The following NEGR1 variants were observed in gnomAD, a reference collection of about 807,000 sequenced individuals.
NEGR1 encodes the protein neuronal growth regulator 1.
NEGR1 carries 10 observed loss-of-function variants against 40.9 expected under a neutral mutation model. That is an observed-to-expected ratio of 0.24 (90% CI 0.15 to 0.42). NEGR1 has a LOEUF of 0.42. Among genes scored for constraint, NEGR1 ranks in the 10% least tolerant of loss-of-function variants. The probability of loss-of-function intolerance (pLI) is 1.00; values close to 1 mark genes in which losing one functional copy is unlikely to be tolerated. For missense variants in NEGR1, 352 were observed against 438.9 expected, an observed-to-expected ratio of 0.80 and a Z score of 1.77; for synonymous variants, 185 against 166.8, an observed-to-expected ratio of 1.11 and a Z score of -0.84.
chr1:71,670,151 A>G (rs896710424), intron 4 of NEGR1, among the ~76,000 whole-genome samples: 19 of 152,110 alleles, frequency 1.2e-4, no homozygotes, highest in Non-Finnish European at 1.6e-4. Flanking sequence ...GTGATGAATT[A>G]TCTTGGCTTT....
At chr1:71,910,191 T>C (rs1235826085) in intron 2 of NEGR1, among the ~76,000 whole-genome samples, 1 of 152,172 alleles carries the variant, frequency 6.6e-6, no homozygotes, top group African/African-American at 2.4e-5. Context: ...CCAGAACACA[T>C]GCTAGATGTT....
intron 2 of NEGR1, among the ~76,000 whole-genome samples, chr1:71,875,785 T>A (rs1377664329): frequency 6.6e-6 from 1 of 152,168 alleles, no homozygotes; most frequent in Non-Finnish European, 1.5e-5. Flanking sequence ...TGTACTCAAA[T>A]ATCCAAGCTA....
intron 4 of NEGR1, among the ~76,000 whole-genome samples, chr1:71,633,516 A>G (rs1010737587): frequency 6.6e-6 from 1 of 152,122 alleles, no homozygotes; most frequent in African/African-American, 2.4e-5. Context: ...CAAGGGCTGA[A>G]CTATGACAGT....
At chr1:71,559,512 TTC>T (rs1648370999) in intron 6 of NEGR1, among the ~76,000 whole-genome samples, 1 of 151,608 alleles carries the variant, frequency 6.6e-6, no homozygotes, top group Admixed American at 6.6e-5. Flanking sequence ...TAGAATAACG[TTC>T]TCTTTTTGTG....
chr1:72,174,562 A>G lies in NEGR1; in HGVS notation c.176+107757T>C, dbSNP rs573070995. Among the ~76,000 whole-genome samples the G allele has an allele frequency of 2.6e-5, 4 of 152,212 alleles. No homozygotes were observed. The South Asian group carries it at 8.3e-4, about 32-fold the overall frequency. ...TCTCCAGAGTTTTGCTACTTTAGGC[A>G]TTTTTAAATTCTGTTTTACACGTAA... is the stretch of plus-strand genomic sequence containing the variant. On this transcript the variant is annotated intron_variant, in intron 1 of 6. Coordinates refer to ENST00000357731, the MANE Select transcript of NEGR1 (RefSeq NM_173808.3).
At chr1:71,944,987 G>A (rs74520826) in intron 1 of NEGR1, among the ~76,000 whole-genome samples, 11,715 of 151,962 alleles carry the variant, frequency 0.077, 601 homozygotes, top group Non-Finnish European at 0.12. Flanking sequence ...AAAAATTAAT[G>A]TTTTTTTAAA....
intron 1 of NEGR1, among the ~76,000 whole-genome samples, chr1:72,095,764 A>C (rs1277560331): frequency 2.6e-5 from 4 of 152,146 alleles, no homozygotes; most frequent in Non-Finnish European, 5.9e-5. Context: ...ACTAACTTCA[A>C]AACTACTGGC....
intron 1 of NEGR1, among the ~76,000 whole-genome samples, chr1:72,104,813 T>C (rs1409462819): frequency 6.6e-6 from 1 of 152,154 alleles, no homozygotes; most frequent in Non-Finnish European, 1.5e-5. Context: ...TTAAATTTTC[T>C]AATTATAAAA....
intron 4 of NEGR1, among the ~76,000 whole-genome samples, chr1:71,641,192 C>T (rs1651337342): frequency 6.6e-6 from 1 of 152,098 alleles, no homozygotes; most frequent in East Asian, 1.9e-4. Flanking sequence ...GCTGTCACAG[C>T]TTGACAGCTT....
rs189574235 is a variant in NEGR1, at chr1:72,056,352, C to T, written c.177-121041G>A. Among the ~76,000 whole-genome samples, 5 of 151,188 alleles carry T rather than the reference C, an allele frequency of 3.3e-5. No homozygotes were observed. In the Admixed American group the frequency reaches 3.3e-4, roughly 10 times the overall value. On this transcript the variant is annotated intron_variant, in intron 1 of 6. Transcript: ENST00000357731. ...CATTATTTATTGCATTTTTTTCTGG[C>T]AATACAAGGAGGGTTACTTTGCTAA...
chr1:72,072,455 C>T (rs1251457054), intron 1 of NEGR1, among the ~76,000 whole-genome samples: 3 of 152,064 alleles, frequency 2.0e-5, no homozygotes, highest in African/African-American at 7.2e-5. Flanking sequence ...ACACAATATG[C>T]AATTTACAAA....
At chr1:71,965,004 T>C (rs1161571537) in intron 1 of NEGR1, among the ~76,000 whole-genome samples, 1 of 152,134 alleles carries the variant, frequency 6.6e-6, no homozygotes, top group African/African-American at 2.4e-5. Flanking sequence ...CCTTTTTTAG[T>C]TGTTGGTTTA....
chr1:71,994,295 G>A (rs1045713564), intron 1 of NEGR1, among the ~76,000 whole-genome samples: 15 of 152,170 alleles, frequency 9.9e-5, no homozygotes, highest in African/African-American at 3.6e-4. Context: ...TTGGGAGGCC[G>A]AGGCGGGTGG....
chr1:71,846,328 A>G (rs1195927304), intron 2 of NEGR1, among the ~76,000 whole-genome samples: 1 of 151,880 alleles, frequency 6.6e-6, no homozygotes, highest in Non-Finnish European at 1.5e-5. Flanking sequence ...GGTCTTAACT[A>G]CTTGTATGAT....
At chr1:72,159,709 C>T (rs181667067) in intron 1 of NEGR1, among the ~76,000 whole-genome samples, 1 of 152,134 alleles carries the variant, frequency 6.6e-6, no homozygotes, top group Non-Finnish European at 1.5e-5. Flanking sequence ...AATTTACTTG[C>T]TGCTGCGATT....
intron 4 of NEGR1, among the ~76,000 whole-genome samples, chr1:71,623,620 C>G (rs1333265366): frequency 1.3e-5 from 2 of 151,812 alleles, no homozygotes; most frequent in African/African-American, 2.4e-5. Context: ...AAAGCTAAAT[C>G]AGAACATGCA....
At chr1:72,106,446 C>A (rs1649136449) in intron 1 of NEGR1, among the ~76,000 whole-genome samples, 1 of 152,020 alleles carries the variant, frequency 6.6e-6, no homozygotes, top group Non-Finnish European at 1.5e-5. Context: ...GGAAAAACTT[C>A]AGTAGATATT....
chr1:71,499,920 C>T (rs763789470), intron 6 of NEGR1, among the ~76,000 whole-genome samples: 3 of 152,240 alleles, frequency 2.0e-5, no homozygotes, highest in South Asian at 2.1e-4. Flanking sequence ...TACCTCAACA[C>T]TGAGTCTTTT....
intron 1 of NEGR1, among the ~76,000 whole-genome samples, chr1:71,963,620 T>C (rs1221793093): frequency 6.6e-6 from 1 of 152,204 alleles, no homozygotes; most frequent in African/African-American, 2.4e-5. Context: ...TATTTTTATA[T>C]ATTTTAATGA....
Sources: allele counts gnomAD v4.1 joint callset (sites outside exome capture counted in the v4.1 genomes callset), GRCh38; gene constraint gnomAD v4.1.1; transcripts MANE v1.5; gene names NCBI Gene and HGNC (gene_info 2026-07-23, HGNC 2026-07-21).